Variants in SCGB1D1 observed in about 807,000 individuals in gnomAD.
The protein encoded by SCGB1D1 is lipophilin A (uteroglobin family member).
In SCGB1D1, 10 loss-of-function variants were observed where a neutral mutation model predicts 8.3. The ratio of observed to expected loss-of-function variants is 1.21; its 90% CI spans 0.74 to 2.05. SCGB1D1 has a LOEUF of 2.05. SCGB1D1 is among the 30% of genes most tolerant of loss of function. The pLI, the probability that SCGB1D1 is intolerant of heterozygous loss-of-function variation, is 0.00. For synonymous variants in SCGB1D1, 46 were observed against 41.7 expected (o/e 1.10, Z -0.39); for missense variants, 94 against 105.1 (o/e 0.89, Z 0.46).
intron 1 of SCGB1D1, among the ~76,000 whole-genome samples, chr11:62,190,722 G>A (rs548061037): frequency 2.0e-5 from 3 of 152,244 alleles, no homozygotes; most frequent in Non-Finnish European, 2.9e-5. Flanking sequence ...AGCTTCTTCC[G>A]GGAGTGGCAA....
chr11:62,192,291 G>A, intron 2 of SCGB1D1, 48 bp downstream of exon 2: 2 of 1,521,728 alleles, frequency 1.3e-6, no homozygotes, highest in South Asian at 2.4e-5. Context: ...CAGCGGCACA[G>A]TGTGAAGTGA....
chr11:62,193,401 A>G lies in SCGB1D1; in HGVS notation c.246A>G (p.Gly82=), dbSNP rs1352243180. 1.2e-6 allele frequency: 2 copies of G among 1,612,042 alleles called. No homozygotes were observed. The highest frequency in any genetic ancestry group is 8.5e-7 in the Non-Finnish European group (1 of 1,178,970). The change falls in exon 3 of 3, where the codon GGA becomes GGG. Residue 82 remains glycine, a splice_region_variant and synonymous_variant. Transcript: ENST00000306238. The part of the protein sequence containing the change: ...EKRVLITKTL[G]KIAEKCDR ...CTTTCTTTCCTTTTCTATTTCAGGG[A>G]AAAATAGCAGAGAAATGTGATCGCT...
Position 62,190,276 on chromosome 11 carries a change from T to C in SCGB1D1, c.-9T>C, listed in dbSNP as rs753256352. The C allele has an allele frequency of 1.2e-6, 2 of 1,614,142 alleles. No individual in the cohort carries two copies. The highest frequency in any genetic ancestry group is 1.7e-6 in the Non-Finnish European group (2 of 1,179,998). On this transcript the variant is annotated 5_prime_UTR_variant, in exon 1 of 3. Transcript: ENST00000306238. ...GGTTAAAGCCGAGCTCACAGCAGAA[T>C]AAGCCACCATGAGGCTGTCGGTGTG...
At position 62,191,034 on chromosome 11, in the gene SCGB1D1, G is replaced by A. The variant is rs971990100; in HGVS notation, c.55+695G>A. Reference sequence around the variant, plus strand: ...GTAATGGTGGTAGAAATACTACAATGGTTAGCCTCAGAACTTCTATTTTTC... The same window carrying A: ...GTAATGGTGGTAGAAATACTACAATAGTTAGCCTCAGAACTTCTATTTTTC... On this transcript the variant is annotated intron_variant, in intron 1 of 2. Transcript: ENST00000306238. Among the ~76,000 whole-genome samples, 9 of 152,106 alleles carry A rather than the reference G, an allele frequency of 5.9e-5. No homozygotes were observed. In the East Asian group the frequency reaches 1.7e-3, roughly 29 times the overall value.
chr11:62,190,224 G>A lies in SCGB1D1; in HGVS notation c.-61G>A, dbSNP rs372369933. 78 of 1,606,244 alleles carry A rather than the reference G, an allele frequency of 4.9e-5. No homozygotes were observed. The highest frequency in any genetic ancestry group is 3.7e-4 in the African/African-American group (28 of 74,758). On this transcript the variant is annotated 5_prime_UTR_variant, in exon 1 of 3. Transcript: ENST00000306238. ...GGGCTCCACGGCTCCACAGGCTCCCGGGGCTGAGTCTAAATCACTCATCAT... is the reference window on the plus strand; with the variant it reads ...GGGCTCCACGGCTCCACAGGCTCCCAGGGCTGAGTCTAAATCACTCATCAT...
At position 62,193,284 on chromosome 11, in the gene SCGB1D1, C is replaced by G. The variant is rs552446673; in HGVS notation, c.244-115C>G. 4.1e-4 allele frequency: 362 copies of G among 877,390 alleles called. 2 individuals are homozygous for G. In the African/African-American group the frequency reaches 6.5e-3, roughly 16 times the overall value. 54.4% of individuals were successfully genotyped at this position (877,390 alleles called of 1,614,324 possible). A position where few individuals can be genotyped will look rare whatever the true frequency, so the allele number is the denominator to read the frequency against. On this transcript the variant is annotated intron_variant, in intron 2 of 2. Transcript: ENST00000306238. ...TCCCACACACACTGGGTTCCTGCCT[C>G]TACCCTTCAATTGTCTTTGGGAGCA... is the stretch of plus-strand genomic sequence containing the variant.
rs767486935 is a variant in SCGB1D1, at chr11:62,193,420, G to A, written c.265G>A (p.Asp89Asn). ...KTLGKIAEKCDR is the reference protein window; with the variant it reads ...KTLGKIAEKCNR Reference sequence around the variant, plus strand: ...TCAGGGAAAAATAGCAGAGAAATGTGATCGCTGAGATGTAAAAAGTTTTTA... The same window carrying A: ...TCAGGGAAAAATAGCAGAGAAATGTAATCGCTGAGATGTAAAAAGTTTTTA... Residue 89 changes from aspartate (D) to asparagine (N), a missense_variant, in exon 3 of 3, where the codon GAT becomes AAT. Coordinates refer to ENST00000306238, the MANE Select transcript of SCGB1D1 (RefSeq NM_006552.2). 1 of 1,612,460 alleles carries A rather than the reference G, an allele frequency of 6.2e-7. No homozygotes were observed. The highest frequency in any genetic ancestry group is 1.1e-5 in the South Asian group (1 of 90,724).
In SCGB1D1 at chr11:62,191,973, T is replaced by C. The variant is rs897577721; in HGVS notation, c.56-83T>C. ...TGAATAGAAGCCTAAAACCCTGGGG[T>C]TCCTGTCTGGTCTGACATCAGGGAG... On this transcript the variant is annotated intron_variant, in intron 1 of 2. Coordinates refer to ENST00000306238, the MANE Select transcript of SCGB1D1 (RefSeq NM_006552.2). 9.6e-6 allele frequency: 12 copies of C among 1,253,474 alleles called. 1 individual carries two copies. In the South Asian group the frequency reaches 2.0e-4, roughly 20 times the overall value. 77.6% of individuals were successfully genotyped at this position (1,253,474 alleles called of 1,614,324 possible). A position where few individuals can be genotyped will look rare whatever the true frequency, so the allele number is the denominator to read the frequency against.
chr11:62,190,464 C>T, intron 1 of SCGB1D1, 125 bp downstream of exon 1: 1 of 1,143,718 alleles, frequency 8.7e-7, no homozygotes, highest in East Asian at 2.5e-5. Flanking sequence ...TTATCCTGTG[C>T]TTGTTGAAGG....
At position 62,192,164 on chromosome 11, in the gene SCGB1D1, C is replaced by T. The variant is rs116188604; in HGVS notation, c.164C>T (p.Ala55Val). 2.8e-3 allele frequency: 4,454 copies of T among 1,613,950 alleles called. 92 individuals carry two copies. The African/African-American group carries it at 0.044, about 16-fold the overall frequency. The change falls in exon 2 of 3, where the codon GCT becomes GTT. Residue 55 changes from alanine (A) to valine (V), a missense_variant. Coordinates refer to ENST00000306238, the MANE Select transcript of SCGB1D1 (RefSeq NM_006552.2). The part of the protein sequence containing the change: ...QLAKFKAPLE[A>V]VAAKMEVKKC... ...GCCAAATTTAAGGCACCTCTGGAAG[C>T]TGTTGCAGCCAAGATGGAAGTGAAG...
Position 62,193,437 on chromosome 11 carries a change from A to C in SCGB1D1, c.*9A>C, listed in dbSNP as rs1944695482. ...AGAAATGTGATCGCTGAGATGTAAA[A>C]AGTTTTTAATGCTAGTTTCCACCAT... On this transcript the variant is annotated 3_prime_UTR_variant, in exon 3 of 3. Transcript: ENST00000306238. 1 of 1,610,764 alleles carries C rather than the reference A, an allele frequency of 6.2e-7. No individual in the cohort carries two copies. The highest frequency in any genetic ancestry group is 1.1e-5 in the South Asian group (1 of 90,698).
At chr11:62,193,145 C>A (rs183820104) in intron 2 of SCGB1D1, among the ~76,000 whole-genome samples, 1 of 152,202 alleles carries the variant, frequency 6.6e-6, no homozygotes, top group African/African-American at 2.4e-5. Context: ...CAGACAATAA[C>A]CTCTTGCTGC....
intron 2 of SCGB1D1, among the ~76,000 whole-genome samples, chr11:62,192,871 T>A (rs554695627): frequency 6.6e-6 from 1 of 152,216 alleles, no homozygotes; most frequent in Non-Finnish European, 1.5e-5. Flanking sequence ...GTTCTCACTC[T>A]GTCTTTCTCA....
At position 62,190,340 on chromosome 11, in the gene SCGB1D1, G is replaced by T. The variant is rs754135483; in HGVS notation, c.55+1G>T. 1.2e-6 allele frequency: 2 copies of T among 1,614,190 alleles called. No individual in the cohort carries two copies. The highest frequency in any genetic ancestry group is 1.7e-6 in the Non-Finnish European group (2 of 1,180,018). On this transcript the variant is annotated splice_donor_variant, in intron 1 of 2. Transcript: ENST00000306238. LOFTEE classifies it high-confidence loss of function. ...ACGCTGGCCCTTTGCTGCTACCGGG[G>T]TGAGTACATCAGTCATGAGTCCAGC...
At chr11:62,190,760 A>G (rs1944672360) in intron 1 of SCGB1D1, among the ~76,000 whole-genome samples, 1 of 152,178 alleles carries the variant, frequency 6.6e-6, no homozygotes, top group South Asian at 2.1e-4. Flanking sequence ...TATTGTGCCA[A>G]GGGTCTAGCT....
chr11:62,192,220 A>G lies in SCGB1D1; in HGVS notation c.220A>G (p.Arg74Gly). The change falls in exon 2 of 3, where the codon AGA becomes GGA. Residue 74 changes from arginine (R) to glycine (G), a missense_variant. Transcript: ENST00000306238. ...CGTGGATACGATGGCCTATGAGAAA[A>G]GAGTGCTAATTACAAAAACATTGGT... Reference protein sequence around the residue: ...KCVDTMAYEKRVLITKTLGKI... With the variant: ...KCVDTMAYEKGVLITKTLGKI... 6.2e-7 allele frequency: 1 copy of G among 1,610,940 alleles called. No individual in the cohort carries two copies. The highest frequency in any genetic ancestry group is 8.5e-7 in the Non-Finnish European group (1 of 1,177,624).
At chr11:62,191,313 T>C (rs117387346) in intron 1 of SCGB1D1, among the ~76,000 whole-genome samples, 1 of 152,098 alleles carries the variant, frequency 6.6e-6, no homozygotes, top group African/African-American at 2.4e-5. Flanking sequence ...GAATGGAGAT[T>C]CCAGACCAAG....
intron 1 of SCGB1D1, among the ~76,000 whole-genome samples, chr11:62,190,555 G>A (rs912973619): frequency 3.3e-5 from 5 of 152,152 alleles, no homozygotes; most frequent in Non-Finnish European, 7.3e-5. Context: ...GCAGGCGAAC[G>A]TTAGGAATTC....
At chr11:62,191,822 A>T (rs948138585) in intron 1 of SCGB1D1, among the ~76,000 whole-genome samples, 7 of 149,472 alleles carry the variant, frequency 4.7e-5, no homozygotes, top group African/African-American at 1.7e-4. Flanking sequence ...AGTGTGCTTT[A>T]AAAAAAAAAC....
Sources: gnomAD v4.1 joint callset for allele counts (sites outside exome capture counted in the v4.1 genomes callset) on GRCh38, gnomAD v4.1.1 for gene constraint, MANE v1.5 for transcripts, NCBI Gene and HGNC (gene_info 2026-07-23, HGNC 2026-07-21) for gene names.